The following FCSK variants were observed in gnomAD, a reference collection of about 807,000 sequenced individuals.
FCSK encodes L-fucose kinase.
Under a neutral mutation model 122.5 loss-of-function variants are expected in FCSK, and 123 were observed. That is an observed-to-expected ratio of 1.00 (90% CI 0.87 to 1.17). The LOEUF is 1.17. Among genes scored for constraint, FCSK ranks in the 50% most tolerant of loss-of-function variants. FCSK has a pLI of 0.00. For synonymous variants in FCSK, 620 were observed against 625.5 expected (o/e 0.99, Z 0.13); for missense variants, 1,366 against 1,450.4 (o/e 0.94, Z 0.95).
At chr16:70,464,314 C>G (rs1254422934) in intron 3 of FCSK, among the ~76,000 whole-genome samples, 1 of 152,146 alleles carries the variant, frequency 6.6e-6, no homozygotes, top group Non-Finnish European at 1.5e-5. Context: ...CCTAAGTCAC[C>G]CAGCCAGCCC....
Position 70,475,698 on chromosome 16 carries a change from G to A in FCSK, c.2572G>A (p.Ala858Thr), listed in dbSNP as rs17884050. ...GTALAALQRAAGRVVGTEALI... is the reference protein window; with the variant it reads ...GTALAALQRATGRVVGTEALI... ...TGCCCTGGCTGCCTTGCAGCGAGCC[G>A]CAGGCCGGGTGGTGGGCACGGAAGC... The change falls in exon 20 of 24, where the codon GCA becomes ACA. Residue 858 changes from alanine to threonine, a missense_variant. Ala to Thr is a moderately conservative substitution (Grantham distance 58). Transcript: ENST00000288078. 2,063 of 1,601,708 alleles carry A rather than the reference G, an allele frequency of 1.3e-3. 1 individual carries two copies. The highest frequency in any genetic ancestry group is 2.6e-3 in the Middle Eastern group (15 of 5,860).
chr16:70,466,597 T>C (rs2048425349), intron 5 of FCSK: 2 of 515,064 alleles, frequency 3.9e-6, no homozygotes, highest in South Asian at 2.7e-5. Flanking sequence ...CTCAAGAGGC[T>C]GAGGCAGGAA....
chr16:70,478,686 G>A, intron 22 of FCSK, 36 bp downstream of exon 22: 1 of 1,562,898 alleles, frequency 6.4e-7, no homozygotes, highest in South Asian at 1.1e-5. Context: ...AGGGCACTGG[G>A]AGCGAGTATT....
Position 70,468,703 on chromosome 16 carries a change from C to T in FCSK, c.664-146C>T, listed in dbSNP as rs1232373436. 5 of 958,964 alleles carry T rather than the reference C, an allele frequency of 5.2e-6. No homozygotes were observed. The African/African-American group carries it at 8.2e-5, about 16-fold the overall frequency. 59.4% of individuals were successfully genotyped at this position (958,964 alleles called of 1,614,324 possible). On this transcript the variant is annotated intron_variant, in intron 8 of 23. Transcript: ENST00000288078. ...GAGCTACCCCAAGTAAGCCTGGAGTCTGGCTGCTGGAGTGGTCAGAAGGTG... is the reference window on the plus strand; with the variant it reads ...GAGCTACCCCAAGTAAGCCTGGAGTTTGGCTGCTGGAGTGGTCAGAAGGTG...
At chr16:70,470,545 G>T (rs936940447) in intron 11 of FCSK, 119 bp downstream of exon 11, 27 of 674,408 alleles carry the variant, frequency 4.0e-5, no homozygotes, top group Non-Finnish European at 6.4e-5. Context: ...GTGTTACCCT[G>T]GTTTACACAT....
chr16:70,461,850 C>T (rs1222638930), intron 1 of FCSK, among the ~76,000 whole-genome samples: 6 of 152,348 alleles, frequency 3.9e-5, no homozygotes, highest in South Asian at 2.1e-4. Context: ...ATGCTGACCA[C>T]GTGACCCAGC....
At position 70,473,465 on chromosome 16, in the gene FCSK, A is replaced by G; in HGVS notation, c.1777+112A>G. On this transcript the variant is annotated intron_variant, in intron 15 of 23. Transcript: ENST00000288078. The surrounding 1 kb of genome is among the most constrained non-coding windows in gnomAD (Gnocchi z 4.9). The stretch of plus-strand genomic sequence containing the variant: ...GGGACCATGAGGTGCTCAAGCAGGG[A>G]AGGGGCATGCTGGAGTTTACTTTTA... 1 of 1,264,718 alleles carries G rather than the reference A, an allele frequency of 7.9e-7. No individual in the cohort carries two copies. Among genetic ancestry groups the G allele is most frequent in the Non-Finnish European group, 1.1e-6 (1 of 950,814 alleles). 78.3% of individuals were successfully genotyped at this position (1,264,718 alleles called of 1,614,324 possible).
At position 70,475,353 on chromosome 16, in the gene FCSK, C is replaced by T; in HGVS notation, c.2381C>T (p.Ala794Val). ...RDYCQPHAPG[A>V]LLKAAFICAG... is the part of the protein sequence containing the mutation. ...TCTCATGCCTGTCCTTCTGCAGGGG[C>T]CCTGCTGAAGGCGGCCTTCATCTGT... The change falls in exon 19 of 24, where the codon GCC (alanine) becomes GTC (valine). Residue 794 changes from alanine to valine, a missense_variant. Transcript: ENST00000288078. 6.2e-7 allele frequency: 1 copy of T among 1,609,942 alleles called. No homozygotes were observed. Among genetic ancestry groups the T allele is most frequent in the Non-Finnish European group, 8.5e-7 (1 of 1,179,866 alleles).
intron 13 of FCSK, among the ~76,000 whole-genome samples, chr16:70,472,081 T>G (rs534703185): frequency 6.6e-6 from 1 of 152,124 alleles, no homozygotes; most frequent in African/African-American, 2.4e-5. Flanking sequence ...AGTGCTGGGA[T>G]TATAGGTGTG....
intron 2 of FCSK, 82 bp downstream of exon 2, chr16:70,463,354 C>T: frequency 4.0e-6 from 5 of 1,246,116 alleles, no homozygotes; most frequent in Non-Finnish European, 5.8e-6. Flanking sequence ...CACCAGGTGC[C>T]AGGCCAACCT....
chr16:70,478,168 C>T, intron 20 of FCSK, 104 bp from the exon 21 acceptor site: 1 of 1,156,724 alleles, frequency 8.6e-7, no homozygotes, highest in Non-Finnish European at 1.2e-6. Context: ...GGGAAGCTAT[C>T]TTTCCACACT....
At chr16:70,468,253 C>T (rs1459550328) in intron 8 of FCSK, among the ~76,000 whole-genome samples, 1 of 152,184 alleles carries the variant, frequency 6.6e-6, no homozygotes, top group South Asian at 2.1e-4. Flanking sequence ...GAAACCCTGT[C>T]TCTACTAAAT....
At position 70,479,414 on chromosome 16, in the gene FCSK, G is replaced by A; in HGVS notation, c.3153+11G>A. 1 of 1,607,480 alleles carries A rather than the reference G, an allele frequency of 6.2e-7. No homozygotes were observed. ...CTGGCCAAGACCGAGGTACTGATGG[G>A]GCTGGGGTTGGTAAAGAGACCTCTG... On this transcript the variant is annotated intron_variant, in intron 23 of 23. Coordinates refer to ENST00000288078, the MANE Select transcript of FCSK (RefSeq NM_145059.3).
intron 17 of FCSK, 38 bp downstream of exon 17, chr16:70,474,732 C>T: frequency 6.4e-7 from 1 of 1,567,216 alleles, no homozygotes; most frequent in Non-Finnish European, 8.7e-7. Context: ...AGGGTAGCTG[C>T]CCCAGAGCCA....
chr16:70,470,221 C>T lies in FCSK; in HGVS notation c.956-93C>T. The T allele has an allele frequency of 2.5e-6, 2 of 810,430 alleles. 1 individual carries two copies. Among genetic ancestry groups the T allele is most frequent in the South Asian group, 3.1e-5 (2 of 64,898 alleles). The allele number at this position is 810,430 out of a possible 1,614,324, so 50.2% of individuals were successfully genotyped here. On this transcript the variant is annotated intron_variant, in intron 10 of 23. Transcript: ENST00000288078. The stretch of plus-strand genomic sequence containing the variant: ...GCTTCCCCTAACAGGCTCATGGCCA[C>T]ACCTGCCCCCATGTGTCTCTGCTGC...
chr16:70,467,990 C>T (rs1191340268), intron 8 of FCSK, 24 bp downstream of exon 8: 30 of 1,598,980 alleles, frequency 1.9e-5, no homozygotes, highest in South Asian at 3.3e-5. Flanking sequence ...GCCCAGGTTG[C>T]GGGGCTTTGG....
chr16:70,479,777 C>A lies in FCSK; in HGVS notation c.*97C>A. On this transcript the variant is annotated 3_prime_UTR_variant, in exon 24 of 24. Transcript: ENST00000288078. ...CCTCCACCTCCTACTCCCCACCCAC[C>A]TCTGCGAATCTGCTCCCAAAGGAAG... The A allele has an allele frequency of 3.5e-6, 3 of 856,578 alleles. No individual in the cohort carries two copies. Among genetic ancestry groups the A allele is most frequent in the South Asian group, 3.3e-5 (2 of 59,788 alleles). 53.1% of individuals were successfully genotyped at this position (856,578 alleles called of 1,614,324 possible). A position where few individuals can be genotyped will look rare whatever the true frequency, so the allele number is the denominator to read the frequency against.
At chr16:70,470,064 C>A (rs744672) in intron 10 of FCSK, among the ~76,000 whole-genome samples, 1 of 151,022 alleles carries the variant, frequency 6.6e-6, no homozygotes, top group African/African-American at 2.4e-5. Context: ...AGGCTGGTCT[C>A]GAACTCCTGA....
At position 70,472,505 on chromosome 16, in the gene FCSK, C is replaced by T. The variant is rs769233707; in HGVS notation, c.1342-36C>T. On this transcript the variant is annotated intron_variant, in intron 13 of 23. Transcript: ENST00000288078. ...GAGTGTCTCTAACCCTTTCCTGTGG[C>T]CCCTGCAGCCCTGACTGCTTCTTCC... 6 of 1,566,882 alleles carry T rather than the reference C, an allele frequency of 3.8e-6. No homozygotes were observed. In the East Asian group the frequency reaches 1.3e-4, roughly 35 times the overall value.
Sources: gnomAD v4.1 joint callset for allele counts (sites outside exome capture counted in the v4.1 genomes callset) on GRCh38, gnomAD v4.1.1 for gene constraint, Gnocchi (gnomAD v3.1) non-coding constraint, MANE v1.5 for transcripts, NCBI Gene and HGNC (gene_info 2026-07-23, HGNC 2026-07-21) for gene names.